Variants in IFI44L observed in about 807,000 individuals in gnomAD.
The protein encoded by IFI44L is interferon induced protein 44 like.
A neutral mutation model predicts 39.3 loss-of-function variants in IFI44L; 40 were observed. The observed-to-expected ratio is 1.02, with a 90% CI of 0.79 to 1.33. The LOEUF (loss-of-function observed/expected upper bound fraction) is 1.33. Ranked by LOEUF, IFI44L falls within the 40% of genes most tolerant of loss-of-function variation. IFI44L has a pLI of 0.00. For synonymous variants in IFI44L, 198 were observed against 182.3 expected (o/e 1.09, Z -0.69); for missense variants, 623 against 549.0 (o/e 1.13, Z -1.35).
chr1:78,620,921 A>G (rs984184095), intron 1 of IFI44L: 1 of 152,186 alleles, frequency 6.6e-6, no homozygotes, highest in Non-Finnish European at 1.5e-5. Context: ...CTCTGCCTCC[A>G]TGAAATCAAC....
In IFI44L at chr1:78,642,796, C is replaced by G. The variant is rs1412985753; in HGVS notation, c.*987C>G. 6.6e-6 allele frequency: 1 copy of G among 152,070 alleles called. No individual in the cohort carries two copies. The highest frequency in any genetic ancestry group is 1.5e-5 in the Non-Finnish European group (1 of 68,000). 9.4% of individuals were successfully genotyped at this position (152,070 alleles called of 1,614,324 possible). ...GAAAAAATAAATATTCCTCTTCTAA[C>G]AAACCCATGCTTGATTTTCATTAAT... On this transcript the variant is annotated 3_prime_UTR_variant, in exon 9 of 9. Coordinates refer to ENST00000370751, the MANE Select transcript of IFI44L (RefSeq NM_006820.4).
intron 1 of IFI44L, among the ~76,000 whole-genome samples, chr1:78,621,302 C>T (rs1007218648): frequency 1.3e-5 from 2 of 152,148 alleles, no homozygotes; most frequent in African/African-American, 4.8e-5. Context: ...GATGGAGTCT[C>T]ACTCTATTGC....
At position 78,640,075 on chromosome 1, in the gene IFI44L, A is replaced by G. The variant is rs529189697; in HGVS notation, c.1049-946A>G. 7.9e-5 allele frequency among the ~76,000 whole-genome samples: 12 copies of G among 152,260 alleles called. No individual in the cohort carries two copies. In the East Asian group the frequency reaches 1.2e-3, roughly 15 times the overall value. ...ACACAATGTAAATATATAAGCTTAT[A>G]TAAGTACTTAACAGCTCTAAAATTA... On this transcript the variant is annotated intron_variant, in intron 6 of 8. Coordinates refer to ENST00000370751, the MANE Select transcript of IFI44L (RefSeq NM_006820.4).
chr1:78,639,356 G>A (rs1177749712), intron 6 of IFI44L, among the ~76,000 whole-genome samples: 1 of 152,092 alleles, frequency 6.6e-6, no homozygotes, highest in East Asian at 1.9e-4. Context: ...TAGGGCTAAG[G>A]TGAATTCTGT....
Position 78,629,718 on chromosome 1 carries a change from A to G in IFI44L, c.528-2A>G. ...CTGTATTTAACCACTATATTTTAAC[A>G]GGCACAGAAATAGGCTTCTAGCAGA... is the stretch of plus-strand genomic sequence containing the variant. On this transcript the variant is annotated splice_acceptor_variant, in intron 3 of 8. Transcript: ENST00000370751. LOFTEE classifies it high-confidence loss of function. 1 of 1,604,178 alleles carries G rather than the reference A, an allele frequency of 6.2e-7. No individual in the cohort carries two copies. The highest frequency in any genetic ancestry group is 8.5e-7 in the Non-Finnish European group (1 of 1,175,106).
At chr1:78,630,081 A>G in intron 4 of IFI44L, 166 bp downstream of exon 4, 1 of 637,254 alleles carries the variant, frequency 1.6e-6, no homozygotes, top group Non-Finnish European at 2.8e-6. Context: ...GCTATATTAT[A>G]CAGAGAAGCT....
At chr1:78,626,234 T>C (rs779972869) in intron 1 of IFI44L, 1 of 152,010 alleles carries the variant, frequency 6.6e-6, no homozygotes, top group Non-Finnish European at 1.5e-5. Flanking sequence ...ATTTCAGATA[T>C]ATATTTTTAC....
intron 3 of IFI44L, 76 bp from the exon 4 acceptor site, chr1:78,629,644 A>C (rs893583818): frequency 1.1e-5 from 11 of 998,374 alleles, no homozygotes; most frequent in Non-Finnish European, 1.6e-5. Context: ...AAGAAGCTCT[A>C]GGTGACTTGA....
intron 4 of IFI44L, among the ~76,000 whole-genome samples, chr1:78,632,251 A>C (rs1354873360): frequency 1.3e-5 from 2 of 152,190 alleles, no homozygotes; most frequent in Non-Finnish European, 2.9e-5. Flanking sequence ...CAAAAACAAA[A>C]ACTGACAGTG....
chr1:78,638,571 A>G (rs1298498300), intron 6 of IFI44L, among the ~76,000 whole-genome samples: 1 of 152,100 alleles, frequency 6.6e-6, no homozygotes, highest in Non-Finnish European at 1.5e-5. Context: ...TCACTTGTTC[A>G]TCACTTTGCC....
At chr1:78,633,990 T>C (rs1451627544) in intron 4 of IFI44L, among the ~76,000 whole-genome samples, 1 of 151,944 alleles carries the variant, frequency 6.6e-6, no homozygotes, top group East Asian at 1.9e-4. Context: ...GAAGAGTCTG[T>C]GAACTTAAAG....
intron 4 of IFI44L, among the ~76,000 whole-genome samples, chr1:78,632,299 AT>A (rs1296269405): frequency 6.6e-6 from 1 of 152,206 alleles, no homozygotes; most frequent in African/African-American, 2.4e-5. Context: ...TTTGAGAAAA[AT>A]CAAACTTTGA....
chr1:78,635,028 A>ATG lies in IFI44L; in HGVS notation c.724-308_724-307insGT, dbSNP rs1451525066. Among the ~76,000 whole-genome samples, 56 of 1,722 alleles carry ATG rather than the reference A, an allele frequency of 0.033. 2 individuals carry two copies. The East Asian group carries it at 0.36, about 11-fold the overall frequency. 1.1% of individuals were successfully genotyped at this position (1,722 alleles called of 152,430 possible). A position where few individuals can be genotyped will look rare whatever the true frequency, so the allele number is the denominator to read the frequency against. On this transcript the variant is annotated intron_variant, in intron 4 of 8. Transcript: ENST00000370751. ...TGTGTGTGTGTGTGTGTGTATGTGT[A>ATG]TATATATATATATATACACACACGT... is the stretch of plus-strand genomic sequence containing the variant.
In IFI44L at chr1:78,641,128, A is replaced by T; in HGVS notation, c.1149+7A>T. ...TATGACTTCTCAAAGCCGGGTAAAA[A>T]ATGCTGATCATAACCAGATATTATT... On this transcript the variant is annotated splice_region_variant and intron_variant, in intron 7 of 8. Coordinates refer to ENST00000370751, the MANE Select transcript of IFI44L (RefSeq NM_006820.4). 2.6e-6 allele frequency: 4 copies of T among 1,564,626 alleles called. No homozygotes were observed. The highest frequency in any genetic ancestry group is 3.5e-6 in the Non-Finnish European group (4 of 1,135,410).
intron 5 of IFI44L, chr1:78,636,715 A>C (rs575551465): frequency 8.2e-5 from 20 of 244,034 alleles, no homozygotes; most frequent in Non-Finnish European, 1.3e-4. Context: ...AACAAACGTT[A>C]ATGGTGTTTA....
At position 78,628,341 on chromosome 1, in the gene IFI44L, A is replaced by G. The variant is rs1391141569; in HGVS notation, c.426A>G (p.Leu142=). The G allele has an allele frequency of 6.3e-7, 1 of 1,597,286 alleles. No individual in the cohort carries two copies. Residue 142 remains leucine, a synonymous_variant, in exon 2 of 9, where the codon CTA becomes CTG. Coordinates refer to ENST00000370751, the MANE Select transcript of IFI44L (RefSeq NM_006820.4). ...LDKMITRNLK[L]RFYGHRQYLE... ...AAATGATAACAAGAAACTTGAAACTAAGGTTTTATGGCCACCGTCAGTATT... is the reference window on the plus strand; with the variant it reads ...AAATGATAACAAGAAACTTGAAACTGAGGTTTTATGGCCACCGTCAGTATT...
chr1:78,642,399 A>AT lies in IFI44L; in HGVS notation c.*590_*591insT, dbSNP rs1334643314. On this transcript the variant is annotated 3_prime_UTR_variant, in exon 9 of 9. Coordinates refer to ENST00000370751, the MANE Select transcript of IFI44L (RefSeq NM_006820.4). The stretch of plus-strand genomic sequence containing the variant: ...ATCTCCACTGCAAAAAAAAAAAAAA[A>AT]AAATAAGAAAGAACAAAACAAACCC... 18 of 151,426 alleles carry AT rather than the reference A, an allele frequency of 1.2e-4. No homozygotes were observed. Among genetic ancestry groups the AT allele is most frequent in the African/African-American group, 4.4e-4 (18 of 41,236 alleles). 9.4% of individuals were successfully genotyped at this position (151,426 alleles called of 1,614,324 possible). A position where few individuals can be genotyped will look rare whatever the true frequency, so the allele number is the denominator to read the frequency against.
chr1:78,625,606 AT>A (rs1481515565), intron 1 of IFI44L: 1 of 151,682 alleles, frequency 6.6e-6, no homozygotes, highest in Non-Finnish European at 1.5e-5. Flanking sequence ...AATCTTCTCT[AT>A]TGTATACTTG....
chr1:78,637,562 A>T (rs141754907), intron 6 of IFI44L, among the ~76,000 whole-genome samples: 1 of 152,080 alleles, frequency 6.6e-6, no homozygotes, highest in Non-Finnish European at 1.5e-5. Flanking sequence ...AAGTTTATGT[A>T]CCCATCACTG....
Sources: gnomAD v4.1 joint callset for allele counts (sites outside exome capture counted in the v4.1 genomes callset) on GRCh38, gnomAD v4.1.1 for gene constraint, MANE v1.5 for transcripts, NCBI Gene and HGNC (gene_info 2026-07-23, HGNC 2026-07-21) for gene names.